DLG2: variants seen among roughly 807,000 people sequenced by gnomAD.
The protein encoded by DLG2 is disks large homolog 2.
A neutral mutation model predicts 132.5 loss-of-function variants in DLG2; 45 were observed. The ratio of observed to expected loss-of-function variants is 0.34; its 90% CI spans 0.27 to 0.44. The LOEUF is 0.44. Among genes scored for constraint, DLG2 ranks in the 20% least tolerant of loss-of-function variants. The pLI is 1.00. For synonymous variants in DLG2, 424 were observed against 419.6 expected, an observed-to-expected ratio of 1.01 and a Z score of -0.13; for missense variants, 1,045 against 1,196.9, an observed-to-expected ratio of 0.87 and a Z score of 1.87.
At chr11:83,784,182 C>A (rs1054949499) in intron 18 of DLG2, among the ~76,000 whole-genome samples, 10 of 152,172 alleles carry the variant, frequency 6.6e-5, no homozygotes, top group African/African-American at 2.4e-4. Flanking sequence ...AATATGGGTG[C>A]AGATAAAGGG....
At chr11:83,768,503 C>T (rs773328082) in intron 18 of DLG2, among the ~76,000 whole-genome samples, 3 of 152,228 alleles carry the variant, frequency 2.0e-5, no homozygotes, top group Non-Finnish European at 4.4e-5. Context: ...CAGAAATTCT[C>T]ACTTCGGTGG....
chr11:85,597,972 A>G (rs1168754169), intron 3 of DLG2, among the ~76,000 whole-genome samples: 1 of 151,308 alleles, frequency 6.6e-6, no homozygotes, highest in Non-Finnish European at 1.5e-5. Context: ...ATAAAAAAGA[A>G]TTAAAAGCTA....
At chr11:83,894,017 G>A (rs970694128) in intron 15 of DLG2, among the ~76,000 whole-genome samples, 3 of 152,114 alleles carry the variant, frequency 2.0e-5, no homozygotes, top group Admixed American at 6.6e-5. Context: ...CTTTATCAAG[G>A]CATATCCTCA....
chr11:84,128,660 C>G (rs71469625), intron 9 of DLG2, among the ~76,000 whole-genome samples: 1 of 151,978 alleles, frequency 6.6e-6, no homozygotes, highest in Non-Finnish European at 1.5e-5. Flanking sequence ...ATTCCCCCAA[C>G]CCCCCTTAGT....
intron 8 of DLG2, among the ~76,000 whole-genome samples, chr11:84,201,655 T>C (rs750781497): frequency 2.6e-4 from 39 of 151,610 alleles, no homozygotes; most frequent in Non-Finnish European, 4.4e-4. Context: ...TATTCAGGGA[T>C]ACAATTTCTT....
intron 6 of DLG2, among the ~76,000 whole-genome samples, chr11:84,766,183 C>A (rs868200861): frequency 5.3e-5 from 8 of 152,040 alleles, no homozygotes; most frequent in African/African-American, 1.4e-4. Context: ...ACCACTGATC[C>A]CTATCAAATT....
chr11:85,426,061 A>C (rs1318778217), intron 3 of DLG2, among the ~76,000 whole-genome samples: 1 of 152,230 alleles, frequency 6.6e-6, no homozygotes, highest in Non-Finnish European at 1.5e-5. Context: ...GTCTGAGATC[A>C]AACTGCAAGG....
intron 6 of DLG2, among the ~76,000 whole-genome samples, chr11:84,816,905 C>T (rs1385184410): frequency 6.6e-6 from 1 of 151,980 alleles, no homozygotes; most frequent in Non-Finnish European, 1.5e-5. Flanking sequence ...ATTCTGTTAC[C>T]ATATGGTCTT....
At chr11:83,767,508 G>A (rs2094194953) in intron 18 of DLG2, among the ~76,000 whole-genome samples, 1 of 152,166 alleles carries the variant, frequency 6.6e-6, no homozygotes, top group Non-Finnish European at 1.5e-5. Flanking sequence ...CAATAAAAAG[G>A]TAGCAGGCTC....
At chr11:84,109,669 T>G (rs2093221756) in intron 9 of DLG2, among the ~76,000 whole-genome samples, 1 of 152,166 alleles carries the variant, frequency 6.6e-6, no homozygotes, top group South Asian at 2.1e-4. Flanking sequence ...GTTTCTTAAT[T>G]TGTTGATCAT....
At chr11:84,903,045 C>A (rs1398987088) in intron 6 of DLG2, among the ~76,000 whole-genome samples, 1 of 117,598 alleles carries the variant, frequency 8.5e-6, no homozygotes, top group Non-Finnish European at 2.0e-5. Context: ...TCATCATTTC[C>A]TCTCTGATTC....
chr11:85,183,178 C>A lies in DLG2; in HGVS notation c.187-28527G>T, dbSNP rs561572319. On this transcript the variant is annotated intron_variant, in intron 4 of 27. Coordinates refer to ENST00000376104, the MANE Select transcript of DLG2 (RefSeq NM_001142699.3). ...TACCTTACTGTCTGAAGTACGTGAT[C>A]CAGTATGAATGGAATCAGCTTTGGG... Among the ~76,000 whole-genome samples the A allele has an allele frequency of 2.0e-5, 3 of 151,886 alleles. No homozygotes were observed. The South Asian group carries it at 6.2e-4, about 32-fold the overall frequency.
At chr11:84,586,328 T>C (rs2099529870) in intron 6 of DLG2, among the ~76,000 whole-genome samples, 1 of 152,202 alleles carries the variant, frequency 6.6e-6, no homozygotes, top group Non-Finnish European at 1.5e-5. Context: ...CTTCTTTAAC[T>C]CTAATAGTCT....
chr11:84,899,024 G>A (rs541708535), intron 6 of DLG2, among the ~76,000 whole-genome samples: 1 of 152,110 alleles, frequency 6.6e-6, no homozygotes, highest in South Asian at 2.1e-4. Context: ...GCTACATGGT[G>A]GGAAATCACA....
At position 83,935,109 on chromosome 11, in the gene DLG2, G is replaced by A. The variant is rs113792426; in HGVS notation, c.1341-4626C>T. Among the ~76,000 whole-genome samples, 1,179 of 152,202 alleles carry A rather than the reference G, an allele frequency of 7.7e-3. 14 individuals are homozygous for A. Among genetic ancestry groups the A allele is most frequent in the African/African-American group, 0.027 (1,124 of 41,522 alleles). On this transcript the variant is annotated intron_variant, in intron 14 of 27. Coordinates refer to ENST00000376104, the MANE Select transcript of DLG2 (RefSeq NM_001142699.3). ...CCATAATAGGAGGGGGCATCCAACCGCATGCCCTGTATTTGCAGAATATAG... is the reference window on the plus strand; with the variant it reads ...CCATAATAGGAGGGGGCATCCAACCACATGCCCTGTATTTGCAGAATATAG...
intron 15 of DLG2, among the ~76,000 whole-genome samples, chr11:83,915,898 C>T (rs1160326032): frequency 6.6e-6 from 1 of 152,158 alleles, no homozygotes; most frequent in Non-Finnish European, 1.5e-5. Flanking sequence ...TTCCCATAGC[C>T]TCTCCCTCTA....
chr11:84,203,201 A>G lies in DLG2; in HGVS notation c.574-39690T>C, dbSNP rs145645808. On this transcript the variant is annotated intron_variant, in intron 8 of 27. Coordinates refer to ENST00000376104, the MANE Select transcript of DLG2 (RefSeq NM_001142699.3). ...CAGCACTGTTCACAATAGCAAAGGC[A>G]TGGAACCAACCTAAATGCCCATCAA... Among the ~76,000 whole-genome samples, 152 of 152,330 alleles carry G rather than the reference A, an allele frequency of 1.0e-3. 4 individuals carry two copies. The East Asian group carries it at 0.026, about 26-fold the overall frequency.
At chr11:84,015,881 A>G (rs10898189) in intron 11 of DLG2, among the ~76,000 whole-genome samples, 5,853 of 152,228 alleles carry the variant, frequency 0.038, 214 homozygotes, top group Admixed American at 0.11. Context: ...AATGATTTAT[A>G]TTCCTTTGGG....
chr11:83,983,832 A>G (rs1433279149), intron 11 of DLG2, among the ~76,000 whole-genome samples: 3 of 152,098 alleles, frequency 2.0e-5, no homozygotes, highest in Non-Finnish European at 4.4e-5. Flanking sequence ...TTTAAAATAC[A>G]TATCAGCTCA....
Sources: allele counts gnomAD v4.1 joint callset (sites outside exome capture counted in the v4.1 genomes callset), GRCh38; gene constraint gnomAD v4.1.1; transcripts MANE v1.5; gene names NCBI Gene and HGNC (gene_info 2026-07-23, HGNC 2026-07-21).